Variants in PRKN observed in about 807,000 individuals in gnomAD.
PRKN encodes parkin RBR E3 ubiquitin protein ligase.
PRKN carries 56 observed loss-of-function variants against 59.5 expected under a neutral mutation model. The observed-to-expected ratio is 0.94, with a 90% CI of 0.76 to 1.18. PRKN has a LOEUF of 1.18. Among genes scored for constraint, PRKN ranks in the 50% most tolerant of loss-of-function variants. The pLI, the probability that PRKN is intolerant of heterozygous loss-of-function variation, is 0.00. For missense variants in PRKN, 657 were observed against 596.4 expected (o/e 1.10, Z -1.06); for synonymous variants, 250 against 222.1 (o/e 1.13, Z -1.12).
rs574490707 is a variant in PRKN at position 162,363,696 on chromosome 6, C to T, written c.171+79614G>A. ...AATGCATATGTAATATGCATGACTA[C>T]GTTAACAGGATTATATGCTATTAGA... On this transcript the variant is annotated intron_variant, in intron 2 of 11. Coordinates refer to ENST00000366898, the MANE Select transcript of PRKN (RefSeq NM_004562.3). Among the ~76,000 whole-genome samples the T allele has an allele frequency of 3.0e-4, 46 of 152,250 alleles. No homozygotes were observed. In the South Asian group the frequency reaches 8.5e-3, roughly 28 times the overall value.
At position 161,400,599 on chromosome 6, in the gene PRKN, C is replaced by G. The variant is rs1305323558; in HGVS notation, c.1084-13722G>C. On this transcript the variant is annotated intron_variant, in intron 9 of 11. Coordinates refer to ENST00000366898, the MANE Select transcript of PRKN (RefSeq NM_004562.3). The surrounding 1 kb of genome is among the most constrained non-coding windows in gnomAD (Gnocchi z 4.2). ...AAAGTGCTGGGATTACAGGCATGAG[C>G]CACCACGCTCGGCCGAAAATTAAAC... is the stretch of plus-strand genomic sequence containing the variant. Among the ~76,000 whole-genome samples the G allele has an allele frequency of 6.6e-6, 1 of 152,154 alleles. No homozygotes were observed. Among genetic ancestry groups the G allele is most frequent in the Non-Finnish European group, 1.5e-5 (1 of 68,032 alleles).
At chr6:161,969,740 ATACTC>A (rs1315253081) in intron 6 of PRKN, among the ~76,000 whole-genome samples, 2 of 152,132 alleles carry the variant, frequency 1.3e-5, no homozygotes, top group Non-Finnish European at 2.9e-5. Flanking sequence ...AATTAATACT[ATACTC>A]TGATTTTCAT....
intron 4 of PRKN, among the ~76,000 whole-genome samples, chr6:162,175,342 T>C (rs940805945): frequency 4.6e-5 from 7 of 152,210 alleles, no homozygotes; most frequent in Non-Finnish European, 7.3e-5. Flanking sequence ...GATTTTTGTT[T>C]ATTGCCTTTT....
rs561170833 is a variant in PRKN, at chr6:161,660,294, G to C, written c.872-90878C>G. On this transcript the variant is annotated intron_variant, in intron 7 of 11. Transcript: ENST00000366898. ...CTCTGAAAGCCTGGTATGGCTGCAG[G>C]ACTCAGATGAGCCAGATGGTCAAAG... 2.4e-4 allele frequency among the ~76,000 whole-genome samples: 36 copies of C among 152,288 alleles called. 1 individual carries two copies. The highest frequency in any genetic ancestry group is 4.7e-4 in the Non-Finnish European group (32 of 68,026).
chr6:162,479,754 T>C (rs57009525), intron 1 of PRKN, among the ~76,000 whole-genome samples: 45,590 of 144,268 alleles, frequency 0.32, 7,268 homozygotes, highest in East Asian at 0.48. Flanking sequence ...TTTACAGTTA[T>C]CTGTTTTTTT....
At chr6:162,015,551 G>A (rs79939145) in intron 5 of PRKN, among the ~76,000 whole-genome samples, 11,332 of 152,166 alleles carry the variant, frequency 0.074, 481 homozygotes, top group Middle Eastern at 0.11. Context: ...GAGATTGTCA[G>A]CTACGCTCTT....
intron 6 of PRKN, among the ~76,000 whole-genome samples, chr6:161,845,372 C>T (rs1023885209): frequency 1.2e-4 from 19 of 152,150 alleles, no homozygotes; most frequent in South Asian, 6.2e-4. Flanking sequence ...AAGCACTGAA[C>T]GACATTCTAA....
chr6:161,924,374 G>T (rs185300719), intron 6 of PRKN, among the ~76,000 whole-genome samples: 1 of 152,164 alleles, frequency 6.6e-6, no homozygotes, highest in African/African-American at 2.4e-5. Context: ...TAATTTACTG[G>T]AAGTATTTTC....
At chr6:162,289,678 A>G (rs1205206365) in intron 2 of PRKN, among the ~76,000 whole-genome samples, 1 of 134,028 alleles carries the variant, frequency 7.5e-6, no homozygotes, top group Non-Finnish European at 1.5e-5. Context: ...ACAGAGCGAG[A>G]CACTGTCTCA....
intron 3 of PRKN, among the ~76,000 whole-genome samples, chr6:162,223,163 A>C (rs1019899956): frequency 3.9e-5 from 6 of 151,916 alleles, no homozygotes; most frequent in Admixed American, 2.0e-4. Flanking sequence ...CCAATTTCAT[A>C]CATGTCCCTA....
chr6:161,966,471 T>C (rs1375200427), intron 6 of PRKN, among the ~76,000 whole-genome samples: 1 of 152,140 alleles, frequency 6.6e-6, no homozygotes, highest in East Asian at 1.9e-4. Flanking sequence ...AATTCCGGTA[T>C]CCCTTTGGCT....
intron 2 of PRKN, among the ~76,000 whole-genome samples, chr6:162,424,738 G>GAA (rs756618241): frequency 1.7e-5 from 2 of 121,142 alleles, no homozygotes; most frequent in Admixed American, 8.5e-5. Flanking sequence ...CTGTCTCAAA[G>GAA]AAAAAAAAAA....
At chr6:162,043,241 A>G (rs1332883208) in intron 5 of PRKN, among the ~76,000 whole-genome samples, 1 of 152,200 alleles carries the variant, frequency 6.6e-6, no homozygotes, top group Non-Finnish European at 1.5e-5. Context: ...GGGAGACACA[A>G]TTCAAGCTGA....
At chr6:162,536,920 T>A (rs147145590) in intron 1 of PRKN, among the ~76,000 whole-genome samples, 2 of 152,224 alleles carry the variant, frequency 1.3e-5, no homozygotes, top group East Asian at 3.9e-4. Flanking sequence ...TATACATATA[T>A]GCATACATAT....
chr6:161,615,942 G>C (rs1782677026), intron 7 of PRKN, among the ~76,000 whole-genome samples: 1 of 152,190 alleles, frequency 6.6e-6, no homozygotes, highest in Admixed American at 6.5e-5. Flanking sequence ...CTGTAGTTGG[G>C]TTCGTGCTGC....
chr6:161,652,155 T>C (rs1582949366), intron 7 of PRKN, among the ~76,000 whole-genome samples: 1 of 152,230 alleles, frequency 6.6e-6, no homozygotes, highest in Non-Finnish European at 1.5e-5. Flanking sequence ...CCCAAAAGCA[T>C]CTCAATCACT....
rs1315093992 is a variant in PRKN at position 161,395,165 on chromosome 6, T to C, written c.1084-8288A>G. Among the ~76,000 whole-genome samples, 1 of 152,138 alleles carries C rather than the reference T, an allele frequency of 6.6e-6. No homozygotes were observed. The highest frequency in any genetic ancestry group is 1.5e-5 in the Non-Finnish European group (1 of 68,028). On this transcript the variant is annotated intron_variant, in intron 9 of 11. Transcript: ENST00000366898. The surrounding 1 kb of genome is among the most constrained non-coding windows in gnomAD (Gnocchi z 5.0). Reference sequence around the variant, plus strand: ...TTGTATAGGTATTGTTCCAGAAATATGTTCTGCACTCAATCATCAATTTAT... The same window carrying C: ...TTGTATAGGTATTGTTCCAGAAATACGTTCTGCACTCAATCATCAATTTAT...
chr6:161,918,785 C>T (rs866013223), intron 6 of PRKN, among the ~76,000 whole-genome samples: 5 of 152,098 alleles, frequency 3.3e-5, no homozygotes, highest in East Asian at 1.9e-4. Flanking sequence ...ACGAGATATA[C>T]GACTGGGTTA....
chr6:161,977,538 TTTGG>T (rs1237373293), intron 5 of PRKN, among the ~76,000 whole-genome samples: 31 of 99,062 alleles, frequency 3.1e-4, no homozygotes, highest in Non-Finnish European at 4.2e-4. Context: ...TTTCTGTTTT[TTTGG>T]TTTTTTTTTT....
Sources: allele counts gnomAD v4.1 joint callset (sites outside exome capture counted in the v4.1 genomes callset), GRCh38; gene constraint gnomAD v4.1.1; non-coding constraint Gnocchi (gnomAD v3.1); transcripts MANE v1.5; gene names NCBI Gene and HGNC (gene_info 2026-07-23, HGNC 2026-07-21).